ZNF804A: variants seen among roughly 807,000 people sequenced by gnomAD.
ZNF804A encodes zinc finger protein 804A.
ZNF804A carries 2 observed loss-of-function variants against 16.5 expected under a neutral mutation model. The ratio of observed to expected loss-of-function variants is 0.12; its 90% CI spans 0.05 to 0.38. ZNF804A has a LOEUF of 0.38. ZNF804A is among the 10% of genes least tolerant of loss of function. The pLI is 0.99. For synonymous variants in ZNF804A, 534 were observed against 489.6 expected, an observed-to-expected ratio of 1.09 and a Z score of -1.20; for missense variants, 1,473 against 1,390.7, an observed-to-expected ratio of 1.06 and a Z score of -0.94.
At chr2:184,871,838 A>G (rs1695981422) in intron 2 of ZNF804A, among the ~76,000 whole-genome samples, 1 of 152,032 alleles carries the variant, frequency 6.6e-6, no homozygotes, top group African/African-American at 2.4e-5. Flanking sequence ...GTAGGAAATG[A>G]AAGATCTTTA....
intron 1 of ZNF804A, among the ~76,000 whole-genome samples, chr2:184,748,378 G>A (rs1693826294): frequency 1.3e-5 from 2 of 151,390 alleles, no homozygotes; most frequent in African/African-American, 2.4e-5. Context: ...CTGATGATTA[G>A]TGATGTTGAG....
chr2:184,687,854 C>T (rs1415928970), intron 1 of ZNF804A, among the ~76,000 whole-genome samples: 2 of 152,174 alleles, frequency 1.3e-5, no homozygotes, highest in Non-Finnish European at 2.9e-5. Flanking sequence ...CGTGGTGGTT[C>T]ACGCCTGTAA....
chr2:184,612,952 A>G (rs1483011983), intron 1 of ZNF804A, among the ~76,000 whole-genome samples: 1 of 152,256 alleles, frequency 6.6e-6, no homozygotes, highest in Non-Finnish European at 1.5e-5. Context: ...CTAGCATTAT[A>G]TAAGCTAAAT....
chr2:184,820,880 A>G (rs4458174), intron 1 of ZNF804A, among the ~76,000 whole-genome samples: 21,623 of 152,076 alleles, frequency 0.14, 1,665 homozygotes, highest in Middle Eastern at 0.24. Flanking sequence ...CACCTCTTCA[A>G]GAAGAACTAC....
chr2:184,646,797 G>A (rs954133442), intron 1 of ZNF804A, among the ~76,000 whole-genome samples: 6 of 152,352 alleles, frequency 3.9e-5, no homozygotes, highest in Non-Finnish European at 5.9e-5. Context: ...ACCTCTGAGC[G>A]CTTGGTGGCC....
intron 2 of ZNF804A, among the ~76,000 whole-genome samples, chr2:184,882,840 TC>T (rs1684829293): frequency 6.6e-6 from 1 of 151,566 alleles, no homozygotes; most frequent in Non-Finnish European, 1.5e-5. Flanking sequence ...ACTAGAGAGA[TC>T]TCAAATTAGC....
chr2:184,684,699 G>A (rs1485097951), intron 1 of ZNF804A, among the ~76,000 whole-genome samples: 1 of 152,108 alleles, frequency 6.6e-6, no homozygotes, highest in Non-Finnish European at 1.5e-5. Context: ...TACCCAATAG[G>A]TAGATTTCCC....
intron 1 of ZNF804A, among the ~76,000 whole-genome samples, chr2:184,777,507 A>G (rs1363439880): frequency 6.6e-6 from 1 of 151,420 alleles, no homozygotes; most frequent in African/African-American, 2.4e-5. Context: ...CTTCACTTCT[A>G]TCTTTACCTC....
intron 2 of ZNF804A, among the ~76,000 whole-genome samples, chr2:184,874,103 CA>C (rs1401292603): frequency 6.6e-6 from 1 of 151,996 alleles, no homozygotes; most frequent in Admixed American, 6.6e-5. Context: ...CAAAAGATTG[CA>C]AAGACTACAC....
At chr2:184,808,977 T>C (rs1694852114) in intron 1 of ZNF804A, among the ~76,000 whole-genome samples, 1 of 151,886 alleles carries the variant, frequency 6.6e-6, no homozygotes. Flanking sequence ...TTATAAAATA[T>C]TGACTTAGCT....
At chr2:184,603,933 A>T (rs1192329478) in intron 1 of ZNF804A, among the ~76,000 whole-genome samples, 2 of 152,132 alleles carry the variant, frequency 1.3e-5, no homozygotes, top group African/African-American at 4.8e-5. Flanking sequence ...TTATTCTAGT[A>T]TCGAAAATAA....
intron 1 of ZNF804A, among the ~76,000 whole-genome samples, chr2:184,756,307 C>G (rs1693957979): frequency 6.6e-6 from 1 of 151,770 alleles, no homozygotes; most frequent in South Asian, 2.1e-4. Context: ...GTCTCAAACT[C>G]CTGGGCTCAA....
At chr2:184,899,582 C>T (rs1395427105) in intron 2 of ZNF804A, among the ~76,000 whole-genome samples, 1 of 151,772 alleles carries the variant, frequency 6.6e-6, no homozygotes, top group Non-Finnish European at 1.5e-5. Flanking sequence ...CTATGTTCTA[C>T]AATAAGAAAG....
intron 2 of ZNF804A, among the ~76,000 whole-genome samples, chr2:184,884,790 C>T (rs1449810328): frequency 6.6e-6 from 1 of 152,088 alleles, no homozygotes; most frequent in Non-Finnish European, 1.5e-5. Flanking sequence ...TAGGCCCTGG[C>T]AAAGTTTTCA....
chr2:184,633,712 GT>G (rs1244620149), intron 1 of ZNF804A, among the ~76,000 whole-genome samples: 1 of 152,004 alleles, frequency 6.6e-6, no homozygotes, highest in South Asian at 2.1e-4. Flanking sequence ...ACATTTTAGC[GT>G]TTTTGTAAAC....
chr2:184,646,875 C>G (rs548132073), intron 1 of ZNF804A, among the ~76,000 whole-genome samples: 14 of 152,230 alleles, frequency 9.2e-5, no homozygotes, highest in Non-Finnish European at 2.1e-4. Context: ...GGCAGATTTG[C>G]CTGATCCAGC....
intron 1 of ZNF804A, among the ~76,000 whole-genome samples, chr2:184,770,161 C>T (rs59318193): frequency 0.075 from 11,448 of 151,954 alleles, 1,470 homozygotes; most frequent in African/African-American, 0.26. Flanking sequence ...AGACTATCCA[C>T]CAAACTTTCT....
At chr2:184,622,460 G>C (rs1368251563) in intron 1 of ZNF804A, among the ~76,000 whole-genome samples, 1 of 151,626 alleles carries the variant, frequency 6.6e-6, no homozygotes, top group Admixed American at 6.6e-5. Flanking sequence ...GCACCAAAAG[G>C]AGCCTTGATT....
intron 1 of ZNF804A, among the ~76,000 whole-genome samples, chr2:184,815,012 C>T (rs1445598611): frequency 1.3e-5 from 2 of 151,940 alleles, no homozygotes; most frequent in Admixed American, 6.6e-5. Flanking sequence ...AGAATATCTT[C>T]TTTATAGAAA....
Sources: allele counts gnomAD v4.1 joint callset (sites outside exome capture counted in the v4.1 genomes callset), GRCh38; gene constraint gnomAD v4.1.1; transcripts MANE v1.5; gene names NCBI Gene and HGNC (gene_info 2026-07-23, HGNC 2026-07-21).